Variants in FLVCR1 observed in about 807,000 individuals in gnomAD.
The protein encoded by FLVCR1 is choline/ethanolamine transporter FLVCR1.
In FLVCR1, 34 loss-of-function variants were observed where a neutral mutation model predicts 53.6. That is an observed-to-expected ratio of 0.63 (90% confidence interval 0.48 to 0.84). The LOEUF (loss-of-function observed/expected upper bound fraction) is 0.84, where lower values mean the gene tolerates loss of function less well. Among genes scored for constraint, FLVCR1 ranks in the 40% least tolerant of loss-of-function variants. The pLI is 0.00. For synonymous variants in FLVCR1, 300 were observed against 286.3 expected (o/e 1.05, Z -0.48); for missense variants, 677 against 696.7 (o/e 0.97, Z 0.32).
intron 2 of FLVCR1, among the ~76,000 whole-genome samples, chr1:212,868,571 G>A (rs998066438): frequency 2.0e-5 from 3 of 151,948 alleles, no homozygotes; most frequent in Non-Finnish European, 2.9e-5. Context: ...CACCACACCC[G>A]GCTAATTTTG....
At chr1:212,890,001 A>G (rs1665150951) in intron 8 of FLVCR1, among the ~76,000 whole-genome samples, 1 of 152,168 alleles carries the variant, frequency 6.6e-6, no homozygotes, top group Non-Finnish European at 1.5e-5. Context: ...ATGTGTTACT[A>G]TTGTTATAAT....
intron 5 of FLVCR1, among the ~76,000 whole-genome samples, chr1:212,885,845 C>A (rs1665051826): frequency 1.3e-5 from 2 of 152,110 alleles, no homozygotes; most frequent in Admixed American, 6.5e-5. Flanking sequence ...GCCACCGCGC[C>A]CAGCAACAAG....
chr1:212,873,561 C>T (rs974464745), intron 3 of FLVCR1, among the ~76,000 whole-genome samples: 1 of 152,248 alleles, frequency 6.6e-6, no homozygotes, highest in Non-Finnish European at 1.5e-5. Flanking sequence ...AAAATTCTCT[C>T]TCTCCACATC....
intron 8 of FLVCR1, among the ~76,000 whole-genome samples, chr1:212,890,186 A>C (rs1665155451): frequency 6.6e-6 from 1 of 152,246 alleles, no homozygotes; most frequent in Admixed American, 6.5e-5. Flanking sequence ...TTGCCCATGC[A>C]CATGGGTGTA....
intron 5 of FLVCR1, 154 bp downstream of exon 5, chr1:212,885,550 C>CTTTTTTTTTTTTTTTT (rs539282150): frequency 3.9e-6 from 1 of 257,976 alleles, no homozygotes; most frequent in Non-Finnish European, 7.1e-6. Context: ...ACAAGTGTTT[C>CTTTTTTTTTTTTTTTT]TTTTTTTTTT....
At chr1:212,871,676 C>G (rs1462488524) in intron 2 of FLVCR1, among the ~76,000 whole-genome samples, 1 of 152,126 alleles carries the variant, frequency 6.6e-6, no homozygotes, top group Non-Finnish European at 1.5e-5. Flanking sequence ...GAGCACCATG[C>G]CTGACCTGTG....
chr1:212,877,794 A>G (rs950990365), intron 3 of FLVCR1, among the ~76,000 whole-genome samples: 2 of 151,728 alleles, frequency 1.3e-5, no homozygotes, highest in East Asian at 3.9e-4. Flanking sequence ...TATAGCAAAT[A>G]TTATACTAAA....
chr1:212,865,817 C>CTT (rs34338474), intron 2 of FLVCR1, among the ~76,000 whole-genome samples: 62 of 134,524 alleles, frequency 4.6e-4, no homozygotes, highest in African/African-American at 1.5e-3. Flanking sequence ...AATTCTCTCT[C>CTT]TTTTTTTTTT....
At position 212,859,741 on chromosome 1, in the gene FLVCR1, C is replaced by CATAATA. The variant is rs139681885; in HGVS notation, c.738+566_738+571dup. Among the ~76,000 whole-genome samples the CATAATA allele has an allele frequency of 4.1e-4, 62 of 150,972 alleles. No individual in the cohort carries two copies. In the East Asian group the frequency reaches 6.5e-3, roughly 16 times the overall value. On this transcript the variant is annotated intron_variant, in intron 1 of 9. Transcript: ENST00000366971. Reference sequence around the variant, plus strand: ...TCAAATAATAATAATAAACTGTAACCATAATAATAATAATAATAATTAACT... The same window carrying CATAATA: ...TCAAATAATAATAATAAACTGTAACCATAATAATAATAATAATAATAATAATTAACT...
At chr1:212,863,640 C>T (rs1160866905) in intron 1 of FLVCR1, 85 bp from the exon 2 acceptor site, 1 of 1,166,836 alleles carries the variant, frequency 8.6e-7, no homozygotes, top group Non-Finnish European at 1.3e-6. Flanking sequence ...TAAACACTAG[C>T]TGTCCTCTTT....
chr1:212,895,078 C>G lies in FLVCR1; in HGVS notation c.1593+25C>G, dbSNP rs752530665. 1 of 1,421,712 alleles carries G rather than the reference C, an allele frequency of 7.0e-7. No individual in the cohort carries two copies. The allele number at this position is 1,421,712 out of a possible 1,614,324, so 88.1% of individuals were successfully genotyped here. ...TGTAAGTAATATTTTTATGATTATA[C>G]TGTTGAGAAGTATGTATAGAATAAA... On this transcript the variant is annotated intron_variant, in intron 9 of 9. Coordinates refer to ENST00000366971, the MANE Select transcript of FLVCR1 (RefSeq NM_014053.4).
intron 8 of FLVCR1, among the ~76,000 whole-genome samples, chr1:212,892,352 G>A (rs1457076280): frequency 2.0e-5 from 3 of 152,206 alleles, no homozygotes; most frequent in African/African-American, 7.2e-5. Flanking sequence ...GATGCAGCTG[G>A]TGACTTCACA....
chr1:212,886,538 G>A (rs1665070096), intron 5 of FLVCR1, among the ~76,000 whole-genome samples: 1 of 152,102 alleles, frequency 6.6e-6, no homozygotes, highest in Middle Eastern at 3.2e-3. Flanking sequence ...AATGTCTTAT[G>A]CCTGTAATCC....
intron 5 of FLVCR1, among the ~76,000 whole-genome samples, chr1:212,886,669 G>A (rs11120059): frequency 0.46 from 70,336 of 151,696 alleles, 17,542 homozygotes; most frequent in East Asian, 0.56. Flanking sequence ...GTGTGGTGGT[G>A]GGCACCTGTA....
Position 212,888,605 on chromosome 1 carries a change from G to T in FLVCR1, c.1413+11G>T. The stretch of plus-strand genomic sequence containing the variant: ...AATGCTTCTGCACAGGTAAACCTCT[G>T]ATTTCTCTAAACCTGAGATGATTAT... On this transcript the variant is annotated intron_variant, in intron 7 of 9. Coordinates refer to ENST00000366971, the MANE Select transcript of FLVCR1 (RefSeq NM_014053.4). 1.3e-6 allele frequency: 2 copies of T among 1,532,522 alleles called. No homozygotes were observed. The highest frequency in any genetic ancestry group is 2.2e-5 in the South Asian group (2 of 89,260). 94.9% of individuals were successfully genotyped at this position (1,532,522 alleles called of 1,614,324 possible).
intron 3 of FLVCR1, among the ~76,000 whole-genome samples, chr1:212,877,415 G>A (rs1285276897): frequency 2.0e-5 from 3 of 151,946 alleles, no homozygotes; most frequent in Non-Finnish European, 2.9e-5. Flanking sequence ...GGGTTTCACC[G>A]TGTTAGCCAG....
At position 212,891,161 on chromosome 1, in the gene FLVCR1, C is replaced by G. The variant is rs142486372; in HGVS notation, c.1525+1904C>G. 4.1e-3 allele frequency among the ~76,000 whole-genome samples: 631 copies of G among 152,230 alleles called. 6 individuals carry two copies. The highest frequency in any genetic ancestry group is 0.014 in the African/African-American group (574 of 41,532). Reference sequence around the variant, plus strand: ...TGGTGGCTCATACTTGTATTCCTAGCACTTTGGGAGGCTGATACAGGTGGA... The same window carrying G: ...TGGTGGCTCATACTTGTATTCCTAGGACTTTGGGAGGCTGATACAGGTGGA... On this transcript the variant is annotated intron_variant, in intron 8 of 9. Coordinates refer to ENST00000366971, the MANE Select transcript of FLVCR1 (RefSeq NM_014053.4).
chr1:212,875,160 A>G (rs567727174), intron 3 of FLVCR1, among the ~76,000 whole-genome samples: 1 of 152,316 alleles, frequency 6.6e-6, no homozygotes, highest in African/African-American at 2.4e-5. Flanking sequence ...AGTGCTCTAG[A>G]TGCCTTGTGG....
intron 3 of FLVCR1, among the ~76,000 whole-genome samples, chr1:212,882,434 A>G (rs1303752312): frequency 6.6e-6 from 1 of 152,134 alleles, no homozygotes; most frequent in African/African-American, 2.4e-5. Flanking sequence ...CTAATTGTTT[A>G]TGAATATGCA....
Sources: allele counts gnomAD v4.1 joint callset (sites outside exome capture counted in the v4.1 genomes callset), GRCh38; gene constraint gnomAD v4.1.1; transcripts MANE v1.5; gene names NCBI Gene and HGNC (gene_info 2026-07-23, HGNC 2026-07-21).